AGAP2: variants seen among roughly 807,000 people sequenced by gnomAD.
AGAP2 encodes ArfGAP with GTPase domain, ankyrin repeat and PH domain 2, also known as arf-GAP with GTPase, ANK repeat and PH domain-containing protein 2.
In AGAP2, 32 loss-of-function variants were observed where a neutral mutation model predicts 110.9. The observed-to-expected ratio is 0.29, with a 90% CI of 0.22 to 0.39. AGAP2 has a LOEUF of 0.39. Ranked by LOEUF, AGAP2 falls within the 10% of genes least tolerant of loss-of-function variation. AGAP2 has a pLI of 1.00. For missense variants in AGAP2, 1,285 were observed against 1,638.5 expected, an observed-to-expected ratio of 0.78 and a Z score of 3.72; for synonymous variants, 702 against 713.0, an observed-to-expected ratio of 0.98 and a Z score of 0.25.
At chr12:57,728,127 A>C in intron 14 of AGAP2, 42 bp from the exon 15 acceptor site, 1 of 1,559,960 alleles carries the variant, frequency 6.4e-7, no homozygotes. Context: ...GACAGAGTTC[A>C]AGCAGGGGCT....
At chr12:57,732,594 A>G in intron 6 of AGAP2, 82 bp from the exon 7 acceptor site, 1 of 1,377,744 alleles carries the variant, frequency 7.3e-7, no homozygotes, top group Admixed American at 2.0e-5. Context: ...AGAAATCCCC[A>G]GTAGACAACA....
At position 57,726,050 on chromosome 12, in the gene AGAP2, G is replaced by C. The variant is rs1185430236; in HGVS notation, c.*502C>G. The C allele has an allele frequency of 6.6e-6, 1 of 152,172 alleles. No individual in the cohort carries two copies. Among genetic ancestry groups the C allele is most frequent in the Non-Finnish European group, 1.5e-5 (1 of 68,076 alleles). 9.4% of individuals were successfully genotyped at this position (152,172 alleles called of 1,614,324 possible). A position where few individuals can be genotyped will look rare whatever the true frequency, so the allele number is the denominator to read the frequency against. On this transcript the variant is annotated 3_prime_UTR_variant, in exon 19 of 19. Transcript: ENST00000547588. This position sits in a 1 kb window ranked among gnomAD's most constrained non-coding sequence, Gnocchi z 5.7. ...CCCCCTTCACTGGGCAGTGAGATGAGCATGGAAGGGGTAGGGTTTCCGTAT... is the reference window on the plus strand; with the variant it reads ...CCCCCTTCACTGGGCAGTGAGATGACCATGGAAGGGGTAGGGTTTCCGTAT...
chr12:57,724,770 TCAGAATA>T (rs1044074654), downstream of AGAP2: 19 of 152,204 alleles, frequency 1.2e-4, no homozygotes, highest in Admixed American at 1.2e-3. Context: ...CAGATACTGT[TCAGAATA>T]CAGATAAACA....
At position 57,737,376 on chromosome 12, in the gene AGAP2, G is replaced by C; in HGVS notation, c.871C>G (p.Pro291Ala). 1 of 1,613,882 alleles carries C rather than the reference G, an allele frequency of 6.2e-7. No individual in the cohort carries two copies. The highest frequency in any genetic ancestry group is 2.2e-5 in the East Asian group (1 of 44,868). ...LHPGPPAGSP[P>A]PLTLPPTPSP... ...GGAGTTGGTGGGAGGGTTAGCGGAG[G>C]AGGAGAGCCGGCAGGCGGTCCCGGA... Residue 291 changes from proline to alanine, a missense_variant, in exon 1 of 19, where the codon CCT (proline) becomes GCT (alanine). This residue lies in a region of AGAP2 where 844 missense variants were observed against 941.2 expected (regional missense o/e 0.90). Transcript: ENST00000547588. The surrounding 1 kb of genome is among the most constrained non-coding windows in gnomAD (Gnocchi z 5.9).
rs1469291658 is a variant in AGAP2, at chr12:57,725,513, G to C, written c.*1039C>G. 3 of 152,178 alleles carry C rather than the reference G, an allele frequency of 2.0e-5. No homozygotes were observed. The highest frequency in any genetic ancestry group is 7.2e-5 in the African/African-American group (3 of 41,408). 9.4% of individuals were successfully genotyped at this position (152,178 alleles called of 1,614,324 possible). A position where few individuals can be genotyped will look rare whatever the true frequency, so the allele number is the denominator to read the frequency against. On this transcript the variant is annotated 3_prime_UTR_variant, in exon 19 of 19. Coordinates refer to ENST00000547588, the MANE Select transcript of AGAP2 (RefSeq NM_001122772.3). ...CTCGAATCCTCTCAGCCCTGGCTGG[G>C]AGAGGTCACGGGGGTGAGGAATGGC... is the stretch of plus-strand genomic sequence containing the variant.
At chr12:57,735,497 C>T (rs1039170283) in intron 1 of AGAP2, 70 bp from the exon 2 acceptor site, 1 of 1,428,094 alleles carries the variant, frequency 7.0e-7, no homozygotes, top group East Asian at 2.3e-5. Flanking sequence ...TGAGCCACCC[C>T]TCCTCCCTCT....
chr12:57,732,984 G>T lies in AGAP2; in HGVS notation c.1550-5C>A, dbSNP rs1954915275. 1.9e-6 allele frequency: 3 copies of T among 1,613,938 alleles called. No individual in the cohort carries two copies. The highest frequency in any genetic ancestry group is 2.5e-6 in the Non-Finnish European group (3 of 1,180,030). On this transcript the variant is annotated splice_polypyrimidine_tract_variant and splice_region_variant and intron_variant, in intron 5 of 18. Transcript: ENST00000547588. ...GGGAGGAAGCACTGATCCTGTCTGA[G>T]GGGACAGGAAAGGGGCAGGATTGAA...
chr12:57,738,396 C>T lies in AGAP2; in HGVS notation c.-150G>A. 1 of 1,053,540 alleles carries T rather than the reference C, an allele frequency of 9.5e-7. No homozygotes were observed. The highest frequency in any genetic ancestry group is 1.2e-6 in the Non-Finnish European group (1 of 833,850). 65.3% of individuals were successfully genotyped at this position (1,053,540 alleles called of 1,614,324 possible). ...GGCTCCGCTGTCGCCGCCGCCTCCG[C>T]CGCCTCCGCTTGCGCCCCCCTCCCA... On this transcript the variant is annotated 5_prime_UTR_variant, in exon 1 of 19. Transcript: ENST00000547588. This position sits in a 1 kb window ranked among gnomAD's most constrained non-coding sequence, Gnocchi z 6.7.
At chr12:57,742,071 T>C (rs1252543291), upstream of AGAP2, 3 of 1,613,802 alleles carry the variant, frequency 1.9e-6, no homozygotes, top group African/African-American at 1.3e-5. Flanking sequence ...TGGGCATGCA[T>C]GTTGCCCAGA....
chr12:57,732,574 C>A, intron 6 of AGAP2, 62 bp from the exon 7 acceptor site: 2 of 1,464,426 alleles, frequency 1.4e-6, no homozygotes, highest in Admixed American at 4.0e-5. Flanking sequence ...CCCTTCCATG[C>A]CCAGCTTTGA....
At chr12:57,728,182 G>A in intron 14 of AGAP2, 97 bp from the exon 15 acceptor site, 1 of 1,523,796 alleles carries the variant, frequency 6.6e-7, no homozygotes, top group Non-Finnish European at 8.9e-7. Flanking sequence ...CCGAGCCCCT[G>A]GGAGTGGGGC....
intron 13 of AGAP2, 81 bp downstream of exon 13, chr12:57,729,558 C>G: frequency 6.5e-7 from 1 of 1,540,572 alleles, no homozygotes; most frequent in Non-Finnish European, 8.7e-7. Flanking sequence ...ACTTTTCCTC[C>G]TGCTGCAGGA....
rs760932415 is a variant in AGAP2, at chr12:57,737,307, C to G, written c.940G>C (p.Gly314Arg). 12 of 1,613,682 alleles carry G rather than the reference C, an allele frequency of 7.4e-6. No individual in the cohort carries two copies. Among genetic ancestry groups the G allele is most frequent in the Non-Finnish European group, 1.0e-5 (12 of 1,179,802 alleles). ...AVTAASAQPP[G>R]PAPPITLEPP... ...TCCAGAGTGATTGGAGGTGCAGGCC[C>G]GGGGGGCTGCGCGGAAGCAGCGGTG... The change falls in exon 1 of 19, where the codon GGG becomes CGG. Residue 314 changes from glycine (G) to arginine (R), a missense_variant. Coordinates refer to ENST00000547588, the MANE Select transcript of AGAP2 (RefSeq NM_001122772.3). The surrounding 1 kb of genome is among the most constrained non-coding windows in gnomAD (Gnocchi z 5.9).
chr12:57,726,997 C>T lies in AGAP2; in HGVS notation c.3313G>A (p.Val1105Ile), dbSNP rs1213198238. ...LHLAAELAHV[V>I]ITQLLLWYGA... ...ACCCACAGCAGCAGTTGCGTGATGA[C>T]GACGTGGGCGAGCTCGGCCGCCAGG... Residue 1105 changes from valine (V) to isoleucine (I), a missense_variant, in exon 18 of 19, where the codon GTC becomes ATC. Val to Ile is a conservative substitution (Grantham distance 29). This residue lies in a region of AGAP2 where 201 missense variants were observed against 276.1 expected (regional missense o/e 0.73). Coordinates refer to ENST00000547588, the MANE Select transcript of AGAP2 (RefSeq NM_001122772.3). This position sits in a 1 kb window ranked among gnomAD's most constrained non-coding sequence, Gnocchi z 5.7. 1 of 1,600,668 alleles carries T rather than the reference C, an allele frequency of 6.2e-7. No homozygotes were observed.
At chr12:57,739,110 C>A (rs1955045630), upstream of AGAP2, among the ~76,000 whole-genome samples, 1 of 152,012 alleles carries the variant, frequency 6.6e-6, no homozygotes, top group African/African-American at 2.4e-5. Context: ...CTTGGACTCA[C>A]CTCCTCCAAC....
chr12:57,742,097 TAAC>T, upstream of AGAP2: 1 of 1,609,218 alleles, frequency 6.2e-7, no homozygotes, highest in Non-Finnish European at 8.5e-7. Flanking sequence ...CTTGCCAGGC[TAAC>T]AACCACCTCT....
In AGAP2 at chr12:57,738,364, C is replaced by T; in HGVS notation, c.-118G>A. ...CCAGCCCCCGGACCCCGCTGAGCCC[C>T]CGGCCCGGCTCCGCTGTCGCCGCCG... On this transcript the variant is annotated 5_prime_UTR_variant, in exon 1 of 19. Coordinates refer to ENST00000547588, the MANE Select transcript of AGAP2 (RefSeq NM_001122772.3). The surrounding 1 kb of genome is among the most constrained non-coding windows in gnomAD (Gnocchi z 6.7). 8.1e-7 allele frequency: 1 copy of T among 1,228,732 alleles called. No homozygotes were observed. Among genetic ancestry groups the T allele is most frequent in the Non-Finnish European group, 1.0e-6 (1 of 978,884 alleles). 76.1% of individuals were successfully genotyped at this position (1,228,732 alleles called of 1,614,324 possible).
At position 57,730,583 on chromosome 12, in the gene AGAP2, G is replaced by C; in HGVS notation, c.2340C>G (p.Pro780=). ...EATTPMPSPS[P]SPSSLQPPPD... ...GTGGTGGCTGCAGGGAACTGGGGCT[G>C]GGGCTAGGGCTTGGCATGGGAGTAG... The change falls in exon 12 of 19, where the codon CCC becomes CCG. Residue 780 remains proline (P), a synonymous_variant. Coordinates refer to ENST00000547588, the MANE Select transcript of AGAP2 (RefSeq NM_001122772.3). The C allele has an allele frequency of 6.2e-7, 1 of 1,614,106 alleles. No individual in the cohort carries two copies. The highest frequency in any genetic ancestry group is 8.5e-7 in the Non-Finnish European group (1 of 1,180,002).
chr12:57,738,046 T>A lies in AGAP2; in HGVS notation c.201A>T (p.Glu67Asp). The change falls in exon 1 of 19, where the codon GAA becomes GAT. Residue 67 changes from glutamate (E) to aspartate (D), a missense_variant. By Grantham distance (45) the Glu-to-Asp change is conservative. This residue lies in a region of AGAP2 where 844 missense variants were observed against 941.2 expected (regional missense o/e 0.90). Coordinates refer to ENST00000547588, the MANE Select transcript of AGAP2 (RefSeq NM_001122772.3). The surrounding 1 kb of genome is among the most constrained non-coding windows in gnomAD (Gnocchi z 6.7). The stretch of plus-strand genomic sequence containing the variant: ...GCGCATCCTGCCGGTGGAAGAGACG[T>A]TCGTGCCGCTTCTTGCCCGGCTCCT... Reference protein sequence around the residue: ...GAEEPGKKRHERLFHRQDALW... With the variant: ...GAEEPGKKRHDRLFHRQDALW... The A allele has an allele frequency of 6.6e-7, 1 of 1,521,738 alleles. No individual in the cohort carries two copies. Among genetic ancestry groups the A allele is most frequent in the Non-Finnish European group, 8.8e-7 (1 of 1,140,380 alleles). The allele number at this position is 1,521,738 out of a possible 1,614,324, so 94.3% of individuals were successfully genotyped here.
Sources: allele counts gnomAD v4.1 joint callset (sites outside exome capture counted in the v4.1 genomes callset), GRCh38; gene constraint gnomAD v4.1.1; regional missense constraint gnomAD v4.1.1; non-coding constraint Gnocchi (gnomAD v3.1); transcripts MANE v1.5; gene names NCBI Gene and HGNC (gene_info 2026-07-23, HGNC 2026-07-21).